Variants in ANKRD2 observed in about 807,000 individuals in gnomAD.
The protein encoded by ANKRD2 is ankyrin repeat domain-containing protein 2.
A neutral mutation model predicts 37.3 loss-of-function variants in ANKRD2; 35 were observed. That is an observed-to-expected ratio of 0.94 (90% CI 0.72 to 1.24). The LOEUF is 1.24. Among genes scored for constraint, ANKRD2 ranks in the 50% most tolerant of loss-of-function variants. The pLI is 0.00. For synonymous variants in ANKRD2, 159 were observed against 186.5 expected (o/e 0.85, Z 1.20); for missense variants, 410 against 445.6 (o/e 0.92, Z 0.72).
chr10:97,578,011 T>A, intron 2 of ANKRD2, 110 bp downstream of exon 2: 1 of 1,144,774 alleles, frequency 8.7e-7, no homozygotes, highest in Non-Finnish European at 1.2e-6. Context: ...GCACCCCCGG[T>A]AGAGCTTGCT....
In ANKRD2 at chr10:97,583,665, C is replaced by G. The variant is rs201529513; in HGVS notation, c.942C>G (p.Asn314Lys). Residue 314 changes from asparagine to lysine, a missense_variant, in exon 9 of 9, where the codon AAC (asparagine) becomes AAG (lysine). Coordinates refer to ENST00000370655, the MANE Select transcript of ANKRD2 (RefSeq NM_001346793.2). ...ATCCTGAGCCGGGGGCTGAGCATAA[C>G]GGGCTGGAGGGGCCTAATGATAGTG... ...LEHPEPGAEHNGLEGPNDSGR... is the reference protein window; with the variant it reads ...LEHPEPGAEHKGLEGPNDSGR... 3.1e-6 allele frequency: 5 copies of G among 1,605,040 alleles called. No individual in the cohort carries two copies. Among genetic ancestry groups the G allele is most frequent in the South Asian group, 1.1e-5 (1 of 89,746 alleles).
At chr10:97,583,458 A>G in intron 8 of ANKRD2, 118 bp from the exon 9 acceptor site, 1 of 980,946 alleles carries the variant, frequency 1.0e-6, no homozygotes, top group African/African-American at 1.7e-5. Flanking sequence ...ACACAATGCC[A>G]GTTGCCCCCA....
chr10:97,575,451 A>G (rs1026096901), intron 1 of ANKRD2, among the ~76,000 whole-genome samples: 1 of 152,144 alleles, frequency 6.6e-6, no homozygotes, highest in African/African-American at 2.4e-5. Flanking sequence ...AGCACCTACT[A>G]TGTGCTAGAG....
chr10:97,572,694 G>A, upstream of ANKRD2: 1 of 1,597,220 alleles, frequency 6.3e-7, no homozygotes, highest in Non-Finnish European at 8.5e-7. Context: ...GTGGAGAATT[G>A]GGCCAGTGAG....
intron 2 of ANKRD2, 139 bp from the exon 3 acceptor site, chr10:97,578,101 G>A: frequency 1.7e-6 from 2 of 1,184,922 alleles, no homozygotes; most frequent in South Asian, 1.6e-5. Context: ...GGCCTGGAAG[G>A]AGGGATAGAC....
upstream of ANKRD2, chr10:97,572,751 A>T (rs1309114710): frequency 1.9e-6 from 3 of 1,604,660 alleles, no homozygotes; most frequent in Non-Finnish European, 2.5e-6. Flanking sequence ...GCTCTGGCCT[A>T]TAAAGCCCCC....
At position 97,582,645 on chromosome 10, in the gene ANKRD2, C is replaced by T; in HGVS notation, c.795C>T (p.Arg265=). ...TALHDAVRLN[R]YKIIKLLLLH... ...TGCATGACGCTGTGAGGCTCAACCG[C>T]TACAAAATCATCAAACTGCTGCTCC... Residue 265 remains arginine, a synonymous_variant, in exon 8 of 9, where the codon CGC becomes CGT. Coordinates refer to ENST00000370655, the MANE Select transcript of ANKRD2 (RefSeq NM_001346793.2). The T allele has an allele frequency of 6.2e-7, 1 of 1,614,162 alleles. No individual in the cohort carries two copies. Among genetic ancestry groups the T allele is most frequent in the Non-Finnish European group, 8.5e-7 (1 of 1,180,026 alleles).
Position 97,582,297 on chromosome 10 carries a change from C to T in ANKRD2, c.655-18C>T, listed in dbSNP as rs745348892. 1.4e-5 allele frequency: 21 copies of T among 1,551,000 alleles called. No homozygotes were observed. Among genetic ancestry groups the T allele is most frequent in the South Asian group, 9.5e-5 (8 of 84,062 alleles). ...TTCAGGCCCCGTCAACTAGCAGTTC[C>T]TGATTCCTCCCACCCAGCTGCTGAG... On this transcript the variant is annotated intron_variant, in intron 6 of 8. Coordinates refer to ENST00000370655, the MANE Select transcript of ANKRD2 (RefSeq NM_001346793.2).
At chr10:97,578,188 G>T in intron 2 of ANKRD2, 52 bp from the exon 3 acceptor site, 1 of 996,034 alleles carries the variant, frequency 1.0e-6, no homozygotes, top group African/African-American at 1.8e-5. Context: ...GGTCTCCCAA[G>T]CCCCCCAAAC....
intron 1 of ANKRD2, among the ~76,000 whole-genome samples, chr10:97,574,163 A>G (rs2040793965): frequency 1.3e-5 from 2 of 152,174 alleles, no homozygotes; most frequent in South Asian, 4.1e-4. Flanking sequence ...GGCACCTGTA[A>G]TCCCAGCTAC....
chr10:97,582,583 T>G, intron 7 of ANKRD2, 21 bp from the exon 8 acceptor site: 1 of 1,611,362 alleles, frequency 6.2e-7, no homozygotes, highest in South Asian at 1.1e-5. Flanking sequence ...AGGGCCATAG[T>G]GAGTGCCACA....
chr10:97,572,772 G>A (rs1253838887), upstream of ANKRD2: 5 of 1,598,946 alleles, frequency 3.1e-6, no homozygotes, highest in Non-Finnish European at 4.3e-6. Flanking sequence ...GAGGCCCTGT[G>A]GCCTGCAGAG....
Position 97,577,857 on chromosome 10 carries a change from G to A in ANKRD2, c.145G>A (p.Glu49Lys), listed in dbSNP as rs1184267548. 9 of 1,573,956 alleles carry A rather than the reference G, an allele frequency of 5.7e-6. No homozygotes were observed. The highest frequency in any genetic ancestry group is 7.8e-6 in the Non-Finnish European group (9 of 1,159,836). ...LPMDLLVLED[E>K]KHHGAQSAAL... is the part of the protein sequence containing the mutation. The stretch of plus-strand genomic sequence containing the variant: ...CATGGACTTGCTGGTGCTGGAGGAT[G>A]AGAAGCACCACGGGGCTCAGAGTGC... The change falls in exon 2 of 9, where the codon GAG (glutamate) becomes AAG (lysine). Residue 49 changes from glutamate to lysine, a missense_variant. By Grantham distance (56) the Glu-to-Lys change is moderately conservative. Coordinates refer to ENST00000370655, the MANE Select transcript of ANKRD2 (RefSeq NM_001346793.2).
rs1589889090 is a variant in ANKRD2 at position 97,573,025 on chromosome 10, T to A, written c.87+150T>A. ...TGGGCCTCATTCCTGTCCCAGGGTATTACTGGCAGGGGGTATTGCTGGCAG... is the reference window on the plus strand; with the variant it reads ...TGGGCCTCATTCCTGTCCCAGGGTAATACTGGCAGGGGGTATTGCTGGCAG... On this transcript the variant is annotated intron_variant, in intron 1 of 8. Coordinates refer to ENST00000370655, the MANE Select transcript of ANKRD2 (RefSeq NM_001346793.2). The A allele has an allele frequency of 2.8e-6, 3 of 1,066,528 alleles. No homozygotes were observed. The East Asian group carries it at 7.9e-5, about 28-fold the overall frequency. 66.1% of individuals were successfully genotyped at this position (1,066,528 alleles called of 1,614,324 possible). A position where few individuals can be genotyped will look rare whatever the true frequency, so the allele number is the denominator to read the frequency against.
In ANKRD2 at chr10:97,578,664, C is replaced by T; in HGVS notation, c.456+59C>T. The T allele has an allele frequency of 2.2e-6, 3 of 1,351,652 alleles. No individual in the cohort carries two copies. The South Asian group carries it at 4.2e-5, about 19-fold the overall frequency. 83.7% of individuals were successfully genotyped at this position (1,351,652 alleles called of 1,614,324 possible). On this transcript the variant is annotated intron_variant, in intron 4 of 8. Transcript: ENST00000370655. The stretch of plus-strand genomic sequence containing the variant: ...TGTCAGTTGCCACCCCCACTCCGTT[C>T]GGCTCCTGGGTCAGCCCACTGTGAG...
intron 6 of ANKRD2, among the ~76,000 whole-genome samples, chr10:97,581,996 C>T (rs575624299): frequency 6.6e-6 from 1 of 152,292 alleles, no homozygotes; most frequent in South Asian, 2.1e-4. Context: ...GTCTTGTAAG[C>T]TTTTGCCATG....
At chr10:97,579,327 G>A (rs559981719) in intron 4 of ANKRD2, among the ~76,000 whole-genome samples, 1 of 136,902 alleles carries the variant, frequency 7.3e-6, no homozygotes, top group South Asian at 2.3e-4. Flanking sequence ...TTTTTTTTGA[G>A]ACAGAGTCTC....
intron 8 of ANKRD2, among the ~76,000 whole-genome samples, 156 bp from the exon 9 acceptor site, chr10:97,583,420 C>T (rs1187429227): frequency 2.0e-5 from 3 of 152,100 alleles, no homozygotes; most frequent in African/African-American, 7.2e-5. Flanking sequence ...AGTACCCATC[C>T]CCTAGTGTGA....
At chr10:97,580,779 TG>T in intron 4 of ANKRD2, 75 bp from the exon 5 acceptor site, 1 of 1,120,818 alleles carries the variant, frequency 8.9e-7, no homozygotes, top group Non-Finnish European at 1.3e-6. Flanking sequence ...GGGGAAGGCC[TG>T]GGCCTCAGCT....
Sources: allele counts gnomAD v4.1 joint callset (sites outside exome capture counted in the v4.1 genomes callset), GRCh38; gene constraint gnomAD v4.1.1; transcripts MANE v1.5; gene names NCBI Gene and HGNC (gene_info 2026-07-23, HGNC 2026-07-21).